The following SGMS1 variants were observed in gnomAD, a reference collection of about 807,000 sequenced individuals.
SGMS1 encodes the protein sphingomyelin synthase 1.
In SGMS1, 13 loss-of-function variants were observed where a neutral mutation model predicts 46.2. That is an observed-to-expected ratio of 0.28 (90% CI 0.18 to 0.45). The LOEUF (loss-of-function observed/expected upper bound fraction) is 0.45. Among genes scored for constraint, SGMS1 ranks in the 20% least tolerant of loss-of-function variants. The pLI, the probability that SGMS1 is intolerant of heterozygous loss-of-function variation, is 1.00. For synonymous variants in SGMS1, 203 were observed against 187.8 expected, an observed-to-expected ratio of 1.08 and a Z score of -0.66; for missense variants, 324 against 519.9, an observed-to-expected ratio of 0.62 and a Z score of 3.66.
At chr10:50,610,384 C>A (rs992902502) in intron 1 of SGMS1, among the ~76,000 whole-genome samples, 1 of 152,318 alleles carries the variant, frequency 6.6e-6, no homozygotes, top group Non-Finnish European at 1.5e-5. Flanking sequence ...TTTAGATGCA[C>A]TGTCCCCCAA....
chr10:50,343,734 C>G lies in SGMS1; in HGVS notation c.381G>C (p.Gln127His). Residue 127 changes from glutamine (Q) to histidine (H), a missense_variant, in exon 7 of 11, where the codon CAG becomes CAC. Physicochemically the swap from Gln to His is conservative, Grantham distance 24 (BLOSUM62 0). Coordinates refer to ENST00000361781, the MANE Select transcript of SGMS1 (RefSeq NM_147156.4). ...KIPMPELERS[Q>H]YPMEWGKTFL... ...AAGTCTTGCCCCACTCCATGGGGTA[C>G]TGAGAGCGCTCCAGTTCTGGCATGG... 1 of 1,614,176 alleles carries G rather than the reference C, an allele frequency of 6.2e-7. No individual in the cohort carries two copies.
intron 1 of SGMS1, among the ~76,000 whole-genome samples, chr10:50,606,809 T>C (rs1838701220): frequency 6.6e-6 from 1 of 152,216 alleles, no homozygotes; most frequent in Admixed American, 6.5e-5. Context: ...CTGCTGTTAG[T>C]ATCCAAAGAC....
intron 1 of SGMS1, among the ~76,000 whole-genome samples, chr10:50,600,343 C>T (rs1280799701): frequency 3.3e-5 from 5 of 152,184 alleles, no homozygotes; most frequent in Non-Finnish European, 7.3e-5. Context: ...TGTATTTACT[C>T]CTTTTTATCT....
At chr10:50,561,520 T>G (rs142231617) in intron 2 of SGMS1, among the ~76,000 whole-genome samples, 25 of 152,336 alleles carry the variant, frequency 1.6e-4, no homozygotes, top group African/African-American at 5.8e-4. Flanking sequence ...GTTCGTCACA[T>G]TGATGCCAAT....
At chr10:50,486,115 A>G (rs1374131567) in intron 3 of SGMS1, among the ~76,000 whole-genome samples, 1 of 152,232 alleles carries the variant, frequency 6.6e-6, no homozygotes, top group Non-Finnish European at 1.5e-5. Flanking sequence ...TGAGATAGCC[A>G]TATATAGAAA....
intron 3 of SGMS1, among the ~76,000 whole-genome samples, chr10:50,500,877 T>G (rs560975434): frequency 6.6e-6 from 1 of 152,352 alleles, no homozygotes; most frequent in East Asian, 1.9e-4. Flanking sequence ...CATTGTTCCA[T>G]TAAAATTCTT....
chr10:50,514,807 A>G (rs537297028), intron 3 of SGMS1, among the ~76,000 whole-genome samples: 51 of 152,162 alleles, frequency 3.4e-4, no homozygotes, highest in Non-Finnish European at 5.9e-4. Context: ...TAAGTGATTA[A>G]CCAAAGTCCT....
intron 1 of SGMS1, among the ~76,000 whole-genome samples, chr10:50,604,609 A>G (rs1390771397): frequency 1.3e-5 from 2 of 152,238 alleles, no homozygotes; most frequent in Non-Finnish European, 2.9e-5. Context: ...AACAGTTTCA[A>G]GGTTATTCTT....
At chr10:50,436,194 T>C (rs1849471914) in intron 5 of SGMS1, among the ~76,000 whole-genome samples, 1 of 152,096 alleles carries the variant, frequency 6.6e-6, no homozygotes, top group Non-Finnish European at 1.5e-5. Flanking sequence ...AAGCTCCGCC[T>C]CCCGGGTTCA....
At chr10:50,328,547 A>T (rs1847565912) in intron 7 of SGMS1, among the ~76,000 whole-genome samples, 1 of 152,228 alleles carries the variant, frequency 6.6e-6, no homozygotes, top group Non-Finnish European at 1.5e-5. Context: ...TTAAAAATTA[A>T]TTTTAAAAAA....
chr10:50,383,595 T>G (rs578258073), intron 6 of SGMS1, among the ~76,000 whole-genome samples: 2 of 152,250 alleles, frequency 1.3e-5, no homozygotes, highest in South Asian at 4.1e-4. Context: ...TTTTTTTAAT[T>G]ACAACACTTA....
intron 7 of SGMS1, among the ~76,000 whole-genome samples, chr10:50,339,051 C>T (rs1462400574): frequency 6.6e-6 from 1 of 152,214 alleles, no homozygotes; most frequent in Non-Finnish European, 1.5e-5. Flanking sequence ...AGTGGCATCT[C>T]AACCAGGCCC....
In SGMS1 at chr10:50,307,769, T is replaced by C. The variant is rs900167927; in HGVS notation, c.1062+213A>G. ...GACAATGAAAGTGCGTTCCTTATTC[T>C]AGAAGGAAGTAATTCCTCACATCAT... On this transcript the variant is annotated intron_variant, in intron 10 of 10. Coordinates refer to ENST00000361781, the MANE Select transcript of SGMS1 (RefSeq NM_147156.4). This position sits in a 1 kb window ranked among gnomAD's most constrained non-coding sequence, Gnocchi z 4.2. 1.3e-5 allele frequency among the ~76,000 whole-genome samples: 2 copies of C among 152,212 alleles called. No homozygotes were observed. The highest frequency in any genetic ancestry group is 2.1e-4 in the South Asian group (1 of 4,830).
intron 1 of SGMS1, among the ~76,000 whole-genome samples, chr10:50,615,659 C>T (rs1287834679): frequency 6.6e-6 from 1 of 152,236 alleles, no homozygotes; most frequent in Non-Finnish European, 1.5e-5. Flanking sequence ...TTTTGAGATA[C>T]TTATGTTTGG....
Position 50,311,409 on chromosome 10 carries a change from C to G in SGMS1, c.748G>C (p.Gly250Arg), listed in dbSNP as rs1194837784. The G allele has an allele frequency of 6.2e-7, 1 of 1,611,456 alleles. No individual in the cohort carries two copies. Among genetic ancestry groups the G allele is most frequent in the South Asian group, 1.1e-5 (1 of 90,784 alleles). The change falls in exon 9 of 11, where the codon GGA becomes CGA. Residue 250 changes from glycine to arginine, a missense_variant. Gly to Arg is a moderately radical substitution (Grantham distance 125). Around this residue, in one of 2 missense-constraint regions of SGMS1, gnomAD observed 174 missense variants for 350.1 expected, o/e 0.50. Transcript: ENST00000361781. ...CTTCGCAGTTGGGCTTCCCAGTCTC[C>G]GAAAAGCTGGCAGAAAAAAAGAAAA... ...MHFNCSPKLF[G>R]DWEAQLRRIM...
chr10:50,589,738 C>G (rs1225465856), intron 2 of SGMS1, among the ~76,000 whole-genome samples: 1 of 152,176 alleles, frequency 6.6e-6, no homozygotes, highest in Non-Finnish European at 1.5e-5. Flanking sequence ...TCCCAAAGTG[C>G]CGGGATTACA....
chr10:50,382,592 C>CA (rs1554931801), intron 6 of SGMS1, among the ~76,000 whole-genome samples: 9 of 149,360 alleles, frequency 6.0e-5, no homozygotes, highest in Non-Finnish European at 8.9e-5. Flanking sequence ...CACACACACA[C>CA]AACTTCCCCA....
intron 5 of SGMS1, among the ~76,000 whole-genome samples, chr10:50,440,362 A>G (rs1444715950): frequency 6.6e-6 from 1 of 151,934 alleles, no homozygotes; most frequent in Non-Finnish European, 1.5e-5. Context: ...AAGAATAAAT[A>G]TATGTTAAAA....
chr10:50,486,856 T>C (rs1481506132), intron 3 of SGMS1, among the ~76,000 whole-genome samples: 1 of 152,226 alleles, frequency 6.6e-6, no homozygotes, highest in East Asian at 1.9e-4. Flanking sequence ...GATACATGCA[T>C]GCATATGTTC....
Sources: allele counts gnomAD v4.1 joint callset (sites outside exome capture counted in the v4.1 genomes callset), GRCh38; gene constraint gnomAD v4.1.1; regional missense constraint gnomAD v4.1.1; non-coding constraint Gnocchi (gnomAD v3.1); transcripts MANE v1.5; gene names NCBI Gene and HGNC (gene_info 2026-07-23, HGNC 2026-07-21).